ROBO1: variants seen among roughly 807,000 people sequenced by gnomAD.
The protein encoded by ROBO1 is roundabout homolog 1.
A neutral mutation model predicts 195.9 loss-of-function variants in ROBO1; 149 were observed. That is an observed-to-expected ratio of 0.76 (90% CI 0.67 to 0.87). The LOEUF is 0.87. Among genes scored for constraint, ROBO1 ranks in the 40% least tolerant of loss-of-function variants. The pLI is 0.00. For missense variants in ROBO1, 1,933 were observed against 2,068.3 expected (o/e 0.93, Z 1.27); for synonymous variants, 816 against 733.2 (o/e 1.11, Z -1.82).
intron 3 of ROBO1, among the ~76,000 whole-genome samples, chr3:78,969,436 A>G (rs2076715955): frequency 6.6e-6 from 1 of 152,184 alleles, no homozygotes; most frequent in African/African-American, 2.4e-5. Context: ...ATTGCTAATC[A>G]CTTGACACAG....
At chr3:79,624,685 C>G (rs1024927488) in intron 1 of ROBO1, among the ~76,000 whole-genome samples, 2 of 151,942 alleles carry the variant, frequency 1.3e-5, no homozygotes, top group Non-Finnish European at 2.9e-5. Context: ...ACAGGACCAC[C>G]CAGATCCATA....
intron 3 of ROBO1, among the ~76,000 whole-genome samples, chr3:79,101,759 AC>A (rs928418633): frequency 6.6e-5 from 10 of 151,974 alleles, no homozygotes; most frequent in African/African-American, 2.4e-4. Flanking sequence ...CTGTACAAAT[AC>A]AAAAAATATT....
chr3:78,651,145 CAA>C (rs1208581955), intron 19 of ROBO1, among the ~76,000 whole-genome samples: 1 of 152,000 alleles, frequency 6.6e-6, no homozygotes, highest in Non-Finnish European at 1.5e-5. Context: ...ACATTCGTAA[CAA>C]AATCACCATC....
At chr3:78,871,445 T>G (rs2035537714) in intron 4 of ROBO1, among the ~76,000 whole-genome samples, 1 of 152,166 alleles carries the variant, frequency 6.6e-6, no homozygotes, top group South Asian at 2.1e-4. Flanking sequence ...CGGAGCTTTC[T>G]GATCTTAGCT....
At chr3:79,686,158 CA>C (rs1947103327) in intron 1 of ROBO1, among the ~76,000 whole-genome samples, 2 of 152,138 alleles carry the variant, frequency 1.3e-5, no homozygotes, top group African/African-American at 4.8e-5. Flanking sequence ...AAGCCTTTGA[CA>C]AAATTCAACA....
chr3:79,463,573 A>T (rs925472773), intron 2 of ROBO1, among the ~76,000 whole-genome samples: 2 of 152,180 alleles, frequency 1.3e-5, no homozygotes, highest in Non-Finnish European at 2.9e-5. Flanking sequence ...CACATAGATT[A>T]GCTTGAAGCC....
intron 4 of ROBO1, among the ~76,000 whole-genome samples, chr3:78,863,415 CA>C (rs1412063157): frequency 3.3e-4 from 50 of 152,200 alleles, no homozygotes; most frequent in African/African-American, 1.1e-3. Context: ...AAGGAGCAGC[CA>C]GGGGGGAAAT....
chr3:78,923,910 C>G (rs2039073872), intron 4 of ROBO1, among the ~76,000 whole-genome samples: 1 of 151,710 alleles, frequency 6.6e-6, no homozygotes, highest in South Asian at 2.1e-4. Flanking sequence ...TTGGTTAATA[C>G]TTGCATTTAT....
intron 4 of ROBO1, among the ~76,000 whole-genome samples, chr3:78,921,113 G>A (rs1450844889): frequency 5.9e-5 from 9 of 152,158 alleles, no homozygotes; most frequent in Admixed American, 5.9e-4. Context: ...CAGACACATA[G>A]TGAACACAAA....
chr3:79,295,502 C>T (rs144198392), intron 2 of ROBO1, among the ~76,000 whole-genome samples: 10,181 of 152,010 alleles, frequency 0.067, 422 homozygotes, highest in African/African-American at 0.11. Flanking sequence ...AGGTAGGTGA[C>T]GGGTTGATGG....
intron 1 of ROBO1, among the ~76,000 whole-genome samples, chr3:79,695,829 A>G (rs1052908402): frequency 2.6e-5 from 4 of 151,590 alleles, no homozygotes; most frequent in African/African-American, 7.2e-5. Flanking sequence ...AAAAAAGTGT[A>G]TAAGGCATTT....
chr3:79,454,053 C>G (rs1246986070), intron 2 of ROBO1, among the ~76,000 whole-genome samples: 1 of 151,508 alleles, frequency 6.6e-6, no homozygotes, highest in Non-Finnish European at 1.5e-5. Flanking sequence ...AGAAAGAAGA[C>G]TCTTATCTAT....
intron 2 of ROBO1, among the ~76,000 whole-genome samples, chr3:79,197,974 C>G (rs2108771472): frequency 6.6e-6 from 1 of 151,804 alleles, no homozygotes; most frequent in East Asian, 1.9e-4. Flanking sequence ...AAATGTTCTC[C>G]AAATCTGTAG....
rs755569831 is a variant in ROBO1 at position 79,018,426 on chromosome 3, T to A, written c.173-79499A>T. ...GGTTACCTGAACAGAGACATATTAA[T>A]CCAAACAGGTAAAAGTGAGCGGGCT... On this transcript the variant is annotated intron_variant, in intron 3 of 30. Transcript: ENST00000464233. 8 of 1,613,694 alleles carry A rather than the reference T, an allele frequency of 5.0e-6. No individual in the cohort carries two copies. In the South Asian group the frequency reaches 8.8e-5, roughly 18 times the overall value.
Position 78,597,903 on chromosome 3 carries a change from A to AGTT in ROBO1, c.*1007_*1009dup, listed in dbSNP as rs899358686. The AGTT allele has an allele frequency of 1.3e-5, 2 of 151,010 alleles. No individual in the cohort carries two copies. The highest frequency in any genetic ancestry group is 3.0e-5 in the Non-Finnish European group (2 of 67,618). 9.4% of individuals were successfully genotyped at this position (151,010 alleles called of 1,614,324 possible). On this transcript the variant is annotated 3_prime_UTR_variant, in exon 31 of 31. Transcript: ENST00000464233. ...TTTCAATAAGACAAAAAAGGTTAATAGTTACAATGGTTTACAAATAAAGTT... is the reference window on the plus strand; with the variant it reads ...TTTCAATAAGACAAAAAAGGTTAATAGTTGTTACAATGGTTTACAAATAAAGTT...
chr3:79,757,476 T>A (rs1027590356), intron 1 of ROBO1, among the ~76,000 whole-genome samples: 1 of 148,360 alleles, frequency 6.7e-6, no homozygotes, highest in Non-Finnish European at 1.5e-5. Context: ...ACTTGCTCTC[T>A]CTTTCTTTCT....
At chr3:79,292,741 G>A (rs1379076271) in intron 2 of ROBO1, among the ~76,000 whole-genome samples, 1 of 152,168 alleles carries the variant, frequency 6.6e-6, no homozygotes, top group Non-Finnish European at 1.5e-5. Flanking sequence ...TGATCGTGGT[G>A]GATAAGCTTG....
chr3:79,368,623 T>C (rs2036063951), intron 2 of ROBO1, among the ~76,000 whole-genome samples: 1 of 152,122 alleles, frequency 6.6e-6, no homozygotes, highest in South Asian at 2.1e-4. Flanking sequence ...AGGAACTTGT[T>C]CTGTTGCTAC....
At chr3:79,274,155 A>C (rs953728467) in intron 2 of ROBO1, among the ~76,000 whole-genome samples, 5 of 152,022 alleles carry the variant, frequency 3.3e-5, no homozygotes, top group African/African-American at 1.2e-4. Flanking sequence ...TGTAGTATAC[A>C]TCAAAAGGCC....
Sources: gnomAD v4.1 joint callset for allele counts (sites outside exome capture counted in the v4.1 genomes callset) on GRCh38, gnomAD v4.1.1 for gene constraint, MANE v1.5 for transcripts, NCBI Gene and HGNC (gene_info 2026-07-23, HGNC 2026-07-21) for gene names.